The following RGS5 variants were observed in gnomAD, a reference collection of about 807,000 sequenced individuals.
RGS5 encodes regulator of G-protein signalling 5.
RGS5 carries 20 observed loss-of-function variants against 18.9 expected under a neutral mutation model. That is an observed-to-expected ratio of 1.06 (90% CI 0.74 to 1.54). RGS5 has a LOEUF of 1.54. Among genes scored for constraint, RGS5 ranks in the 40% most tolerant of loss-of-function variants. RGS5 has a pLI of 0.00. For missense variants in RGS5, 201 were observed against 211.8 expected (o/e 0.95, Z 0.32); for synonymous variants, 57 against 76.2 (o/e 0.75, Z 1.31).
At chr1:163,289,316 T>G (rs1225833005) in intron 2 of RGS5, among the ~76,000 whole-genome samples, 1 of 151,982 alleles carries the variant, frequency 6.6e-6, no homozygotes, top group Non-Finnish European at 1.5e-5. Flanking sequence ...CTACCTTTCT[T>G]GGTGTGTCCA....
At chr1:163,238,632 G>T in intron 2 of RGS5, 1 of 240,726 alleles carries the variant, frequency 4.2e-6, no homozygotes, top group South Asian at 8.7e-5. Flanking sequence ...CGCTTGGGTG[G>T]AATATCAGGA....
At chr1:163,294,039 C>T (rs532807334) in intron 2 of RGS5, among the ~76,000 whole-genome samples, 1 of 152,318 alleles carries the variant, frequency 6.6e-6, no homozygotes, top group East Asian at 1.9e-4. Flanking sequence ...TTTCCATGGG[C>T]TGGCATTGAG....
At chr1:163,147,924 T>TTTCTTTTTC (rs796509175) in intron 4 of RGS5, among the ~76,000 whole-genome samples, 230 of 134,370 alleles carry the variant, frequency 1.7e-3, no homozygotes, top group East Asian at 3.9e-3. Context: ...TTTTCTTTTT[T>TTTCTTTTTC]TTTTTTTTTT....
intron 2 of RGS5, among the ~76,000 whole-genome samples, chr1:163,277,331 C>T (rs1170235139): frequency 6.6e-6 from 1 of 152,142 alleles, no homozygotes; most frequent in Non-Finnish European, 1.5e-5. Flanking sequence ...AGTGCCCCAC[C>T]CATCTTGGGC....
intron 2 of RGS5, among the ~76,000 whole-genome samples, chr1:163,288,905 T>C (rs1359641961): frequency 6.6e-6 from 1 of 152,166 alleles, no homozygotes; most frequent in Non-Finnish European, 1.5e-5. Flanking sequence ...CTAAAAGTAA[T>C]AATAGACTCC....
At chr1:163,280,200 A>G (rs1026278973) in intron 2 of RGS5, among the ~76,000 whole-genome samples, 1 of 88,972 alleles carries the variant, frequency 1.1e-5, no homozygotes, top group East Asian at 2.1e-4. Context: ...GACAGGCACA[A>G]ATTAAAAAAA....
At chr1:163,251,333 G>T (rs1431045731) in intron 2 of RGS5, among the ~76,000 whole-genome samples, 1 of 152,062 alleles carries the variant, frequency 6.6e-6, no homozygotes, top group Non-Finnish European at 1.5e-5. Context: ...ACACATCAAA[G>T]AAGAGAAGAT....
intron 2 of RGS5, among the ~76,000 whole-genome samples, chr1:163,254,374 T>C (rs1177305327): frequency 6.6e-6 from 1 of 152,148 alleles, no homozygotes; most frequent in African/African-American, 2.4e-5. Flanking sequence ...CTCATTGTGG[T>C]TTTGATTTGC....
intron 1 of RGS5, among the ~76,000 whole-genome samples, chr1:163,314,055 GA>G (rs1426432299): frequency 6.6e-6 from 1 of 151,772 alleles, no homozygotes; most frequent in Non-Finnish European, 1.5e-5. Flanking sequence ...AATAGGAAGA[GA>G]AACTACTTCA....
intron 2 of RGS5, among the ~76,000 whole-genome samples, chr1:163,223,874 C>T (rs1234359351): frequency 6.6e-6 from 1 of 152,092 alleles, no homozygotes; most frequent in East Asian, 1.9e-4. Flanking sequence ...ATTTATAGGT[C>T]TGGGAGCAAC....
Position 163,148,815 on chromosome 1 carries a change from C to A in RGS5, c.385-1312G>T, listed in dbSNP as rs541563961. Among the ~76,000 whole-genome samples the A allele has an allele frequency of 7.2e-5, 11 of 152,206 alleles. No individual in the cohort carries two copies. The East Asian group carries it at 1.9e-3, about 27-fold the overall frequency. ...AGGAATCTTTATACTCCATGTTGTA[C>A]GATTTAATGGTTTTTAAGGATTTTG... On this transcript the variant is annotated intron_variant, in intron 4 of 4. Coordinates refer to ENST00000313961, the MANE Select transcript of RGS5 (RefSeq NM_003617.4).
At chr1:163,155,301 T>C (rs1348792505) in intron 3 of RGS5, among the ~76,000 whole-genome samples, 2 of 152,210 alleles carry the variant, frequency 1.3e-5, no homozygotes, top group African/African-American at 4.8e-5. Flanking sequence ...CACAGAAATA[T>C]TCACATTTAC....
chr1:163,152,773 G>T (rs915013753), intron 3 of RGS5, 57 bp from the exon 4 acceptor site: 3 of 1,463,624 alleles, frequency 2.0e-6, no homozygotes, highest in South Asian at 2.8e-5. Context: ...AACAAATATT[G>T]TATCCATGAG....
chr1:163,253,707 A>T lies in RGS5; in HGVS notation c.-281+52526T>A, dbSNP rs572551327. ...GGTACATGTGCACAATGTGCAGGTT[A>T]GTTACATATGTATACATGTGCCATG... On this transcript the variant is annotated intron_variant, in intron 2 of 5. Coordinates refer to the RGS5 transcript ENST00000618415. Among the ~76,000 whole-genome samples the T allele has an allele frequency of 7.3e-3, 1,114 of 151,776 alleles. 16 individuals carry two copies. Among genetic ancestry groups the T allele is most frequent in the African/African-American group, 0.025 (1,047 of 41,388 alleles).
chr1:163,193,378 A>T (rs1254406053), intron 1 of RGS5, among the ~76,000 whole-genome samples: 1 of 152,140 alleles, frequency 6.6e-6, no homozygotes, highest in African/African-American at 2.4e-5. Flanking sequence ...AAACACTGAA[A>T]TATTTTCTTT....
At chr1:163,258,325 T>C (rs1648332947) in intron 2 of RGS5, among the ~76,000 whole-genome samples, 1 of 152,202 alleles carries the variant, frequency 6.6e-6, no homozygotes, top group Non-Finnish European at 1.5e-5. Flanking sequence ...AATTTACTTG[T>C]GGGTGGATGG....
At chr1:163,248,115 G>T (rs72695935) in intron 2 of RGS5, among the ~76,000 whole-genome samples, 6,665 of 152,288 alleles carry the variant, frequency 0.044, 221 homozygotes, top group Non-Finnish European at 0.07. Flanking sequence ...TACAGAGAGT[G>T]ACAGTGTTAG....
intron 2 of RGS5, among the ~76,000 whole-genome samples, chr1:163,295,016 T>C (rs1649388921): frequency 6.6e-6 from 1 of 152,226 alleles, no homozygotes; most frequent in Non-Finnish European, 1.5e-5. Context: ...CACCTCAGCC[T>C]GGACTTTACT....
chr1:163,310,616 T>G (rs1649830441), intron 1 of RGS5, among the ~76,000 whole-genome samples: 1 of 151,706 alleles, frequency 6.6e-6, no homozygotes, highest in Non-Finnish European at 1.5e-5. Flanking sequence ...ACATCTTCTT[T>G]CAAAAGAAGG....
Sources: gnomAD v4.1 joint callset for allele counts (sites outside exome capture counted in the v4.1 genomes callset) on GRCh38, gnomAD v4.1.1 for gene constraint, MANE v1.5 for transcripts, NCBI Gene and HGNC (gene_info 2026-07-23, HGNC 2026-07-21) for gene names.